ILRUN: variants seen among roughly 807,000 people sequenced by gnomAD.
ILRUN encodes protein ILRUN.
In ILRUN, 3 loss-of-function variants were observed where a neutral mutation model predicts 33.8. The observed-to-expected ratio is 0.09, with a 90% confidence interval of 0.04 to 0.23. ILRUN has a LOEUF of 0.23. Ranked by LOEUF, ILRUN falls within the 10% of genes least tolerant of loss-of-function variation. The pLI is 1.00. For synonymous variants in ILRUN, 124 were observed against 138.9 expected (o/e 0.89, Z 0.75); for missense variants, 210 against 375.1 (o/e 0.56, Z 3.64).
intron 3 of ILRUN, among the ~76,000 whole-genome samples, chr6:34,637,929 C>A (rs1762399636): frequency 6.6e-6 from 1 of 151,298 alleles, no homozygotes; most frequent in South Asian, 2.1e-4. Context: ...CTCTGTCACC[C>A]AGGTTGGAGT....
intron 3 of ILRUN, among the ~76,000 whole-genome samples, chr6:34,629,362 T>G (rs1207382760): frequency 6.6e-6 from 1 of 152,192 alleles, no homozygotes; most frequent in Non-Finnish European, 1.5e-5. Context: ...TATTTCTTAA[T>G]TATCCTATGT....
intron 4 of ILRUN, among the ~76,000 whole-genome samples, chr6:34,601,706 C>CA (rs1040250934): frequency 6.3e-5 from 9 of 143,694 alleles, no homozygotes; most frequent in African/African-American, 2.6e-4. Context: ...CCAGTACCCG[C>CA]CCCCCCAACT....
intron 4 of ILRUN, among the ~76,000 whole-genome samples, chr6:34,603,005 C>T (rs548192666): frequency 6.6e-6 from 1 of 152,306 alleles, no homozygotes; most frequent in East Asian, 1.9e-4. Flanking sequence ...AATCTATTAC[C>T]TTCATCCTAC....
chr6:34,588,083 G>C lies in ILRUN; in HGVS notation c.*2482C>G. The C allele has an allele frequency of 2.5e-6, 1 of 398,750 alleles. No homozygotes were observed. The highest frequency in any genetic ancestry group is 4.4e-6 in the Non-Finnish European group (1 of 226,136). 24.7% of individuals were successfully genotyped at this position (398,750 alleles called of 1,614,324 possible). A position where few individuals can be genotyped will look rare whatever the true frequency, so the allele number is the denominator to read the frequency against. On this transcript the variant is annotated 3_prime_UTR_variant, in exon 5 of 5. Transcript: ENST00000374023. ...CTCTGAACCCATACCAGTGAGGGGA[G>C]AGAGAATGAATGATACTGATACCCT... is the stretch of plus-strand genomic sequence containing the variant.
intron 3 of ILRUN, among the ~76,000 whole-genome samples, chr6:34,641,835 C>A (rs1056472913): frequency 3.3e-5 from 5 of 151,834 alleles, no homozygotes; most frequent in Admixed American, 1.3e-4. Flanking sequence ...TCAAAAAGTT[C>A]ATGGTGGGTA....
At chr6:34,677,575 A>C (rs916581166) in intron 1 of ILRUN, among the ~76,000 whole-genome samples, 1 of 152,116 alleles carries the variant, frequency 6.6e-6, no homozygotes, top group Non-Finnish European at 1.5e-5. Flanking sequence ...ACACACTGAC[A>C]AGTTATTAGC....
intron 3 of ILRUN, among the ~76,000 whole-genome samples, chr6:34,618,263 TC>T (rs1761940068): frequency 6.6e-6 from 1 of 152,148 alleles, no homozygotes; most frequent in African/African-American, 2.4e-5. Context: ...AAATATTATT[TC>T]TCCCAAGGTC....
chr6:34,674,467 C>T (rs749580749), intron 1 of ILRUN, among the ~76,000 whole-genome samples: 7 of 152,334 alleles, frequency 4.6e-5, no homozygotes, highest in Non-Finnish European at 1.0e-4. Flanking sequence ...CTCTTCACCA[C>T]TACTTTGGCT....
intron 1 of ILRUN, among the ~76,000 whole-genome samples, chr6:34,670,388 A>T (rs1379714442): frequency 6.6e-6 from 1 of 152,212 alleles, no homozygotes; most frequent in Non-Finnish European, 1.5e-5. Flanking sequence ...ACTGAATTAT[A>T]TTAAAATAGG....
At chr6:34,603,377 G>A (rs1406616377) in intron 4 of ILRUN, among the ~76,000 whole-genome samples, 1 of 152,188 alleles carries the variant, frequency 6.6e-6, no homozygotes, top group African/African-American at 2.4e-5. Context: ...ACTCACGCCT[G>A]TAATCCCAGC....
intron 1 of ILRUN, among the ~76,000 whole-genome samples, chr6:34,683,984 G>C (rs1486606621): frequency 6.6e-6 from 1 of 151,744 alleles, no homozygotes. Context: ...GGATCACTTA[G>C]AGCCCAGGGA....
chr6:34,695,764 C>T (rs1436134391), intron 1 of ILRUN, among the ~76,000 whole-genome samples: 1 of 151,712 alleles, frequency 6.6e-6, no homozygotes, highest in Non-Finnish European at 1.5e-5. Flanking sequence ...GTCTAACACT[C>T]CGGGTCCTCC....
intron 4 of ILRUN, among the ~76,000 whole-genome samples, chr6:34,605,318 CAAAAAAAAAAA>C (rs78612898): frequency 2.6e-3 from 195 of 74,152 alleles, no homozygotes; most frequent in African/African-American, 8.5e-3. Flanking sequence ...AAAACAAAAA[CAAAAAAAAAAA>C]AAAAAAAAAA....
chr6:34,693,178 G>A (rs1763681647), intron 1 of ILRUN, among the ~76,000 whole-genome samples: 1 of 152,078 alleles, frequency 6.6e-6, no homozygotes, highest in Non-Finnish European at 1.5e-5. Context: ...AAAAAAAAAT[G>A]AAAAGCCTTC....
At chr6:34,669,258 G>T (rs1312417812) in intron 1 of ILRUN, among the ~76,000 whole-genome samples, 7 of 151,544 alleles carry the variant, frequency 4.6e-5, no homozygotes, top group Non-Finnish European at 1.0e-4. Flanking sequence ...GGAGTAGCTG[G>T]GACTAAAGGT....
intron 1 of ILRUN, among the ~76,000 whole-genome samples, chr6:34,687,705 A>AAATATATATATATATATATATATTTAT (rs1763551431): frequency 2.1e-5 from 3 of 141,490 alleles, no homozygotes; most frequent in Non-Finnish European, 3.0e-5. Context: ...CTCCAAAAAA[A>AAATATATATATATATATATATATTTAT]AAAATATATA....
chr6:34,613,038 G>A (rs1013049794), intron 3 of ILRUN, among the ~76,000 whole-genome samples: 3 of 146,958 alleles, frequency 2.0e-5, no homozygotes, highest in African/African-American at 2.6e-5. Flanking sequence ...GCGAGACTCC[G>A]TCTCAAGGAA....
intron 1 of ILRUN, among the ~76,000 whole-genome samples, chr6:34,655,346 T>C (rs181852022): frequency 3.3e-4 from 50 of 152,294 alleles, no homozygotes; most frequent in African/African-American, 1.1e-3. Context: ...TCTTTTTTCC[T>C]CAACATACAC....
At chr6:34,692,601 T>C (rs1382586687) in intron 1 of ILRUN, among the ~76,000 whole-genome samples, 6 of 152,148 alleles carry the variant, frequency 3.9e-5, no homozygotes, top group Non-Finnish European at 7.3e-5. Context: ...TGTATATGTA[T>C]TTACCTAGAT....
Sources: gnomAD v4.1 joint callset for allele counts (sites outside exome capture counted in the v4.1 genomes callset) on GRCh38, gnomAD v4.1.1 for gene constraint, MANE v1.5 for transcripts, NCBI Gene and HGNC (gene_info 2026-07-23, HGNC 2026-07-21) for gene names.